The following XPO1 variants were observed in gnomAD, a reference collection of about 807,000 sequenced individuals.
XPO1 encodes exportin-1.
A neutral mutation model predicts 133.3 loss-of-function variants in XPO1; 5 were observed. The observed-to-expected ratio is 0.04, with a 90% CI of 0.02 to 0.08. The LOEUF is 0.08. Ranked by LOEUF, XPO1 falls within the 10% of genes least tolerant of loss-of-function variation. The pLI is 1.00. For synonymous variants in XPO1, 419 were observed against 408.2 expected (o/e 1.03, Z -0.32); for missense variants, 506 against 1,267.5 (o/e 0.40, Z 9.12).
chr2:61,492,280 C>T lies in XPO1; in HGVS notation c.1723+45G>A, dbSNP rs2104429228. 1.3e-6 allele frequency: 2 copies of T among 1,581,120 alleles called. No homozygotes were observed. Among genetic ancestry groups the T allele is most frequent in the South Asian group, 1.2e-5 (1 of 85,132 alleles). ...CAAGACAAAAACATTCATTTATTTT[C>T]TTCAATAAAAATAAAAGCAAAATAT... On this transcript the variant is annotated intron_variant, in intron 15 of 24. Coordinates refer to ENST00000401558, the MANE Select transcript of XPO1 (RefSeq NM_003400.4). This position sits in a 1 kb window ranked among gnomAD's most constrained non-coding sequence, Gnocchi z 5.6.
intron 3 of XPO1, among the ~76,000 whole-genome samples, chr2:61,524,485 T>A (rs1275248040): frequency 6.6e-6 from 1 of 152,130 alleles, no homozygotes; most frequent in African/African-American, 2.4e-5. Flanking sequence ...GCCAAGGGGG[T>A]TGAAGCAGGG....
intron 4 of XPO1, among the ~76,000 whole-genome samples, chr2:61,509,235 C>T (rs560889415): frequency 1.3e-5 from 2 of 151,886 alleles, no homozygotes; most frequent in African/African-American, 4.8e-5. Context: ...CAACTCCTGA[C>T]CTCAGGCAAC....
chr2:61,491,237 C>T (rs548163319), intron 16 of XPO1, among the ~76,000 whole-genome samples: 105 of 151,250 alleles, frequency 6.9e-4, no homozygotes, highest in African/African-American at 2.1e-3. Context: ...CCGAGGCGGG[C>T]GGATCATGAG....
At chr2:61,488,127 C>T (rs751857598) in intron 19 of XPO1, 38 bp downstream of exon 19, 1 of 1,560,990 alleles carries the variant, frequency 6.4e-7, no homozygotes, top group Non-Finnish European at 8.8e-7. Context: ...AACACAGCAT[C>T]AACACTAGAA....
chr2:61,494,266 A>G, intron 11 of XPO1, 175 bp from the exon 12 acceptor site: 1 of 588,652 alleles, frequency 1.7e-6, no homozygotes, highest in South Asian at 2.0e-5. Context: ...TTCTTCTGAC[A>G]TGCCCTAAAG....
chr2:61,502,410 T>C lies in XPO1; in HGVS notation c.302-100A>G, dbSNP rs1009303970. On this transcript the variant is annotated intron_variant, in intron 4 of 24. Transcript: ENST00000401558. ...TTAATGTGGGAATGGAAAGACTAAG[T>C]AAAATCAGTTAATATACTCTAATCC... is the stretch of plus-strand genomic sequence containing the variant. 47 of 1,136,752 alleles carry C rather than the reference T, an allele frequency of 4.1e-5. No homozygotes were observed. The African/African-American group carries it at 6.7e-4, about 16-fold the overall frequency. The allele number at this position is 1,136,752 out of a possible 1,614,324, so 70.4% of individuals were successfully genotyped here. A position where few individuals can be genotyped will look rare whatever the true frequency, so the allele number is the denominator to read the frequency against.
At chr2:61,499,015 C>T (rs1697375294) in intron 7 of XPO1, 102 bp from the exon 8 acceptor site, 2 of 1,313,862 alleles carry the variant, frequency 1.5e-6, no homozygotes, top group South Asian at 1.6e-5. Flanking sequence ...AGTACAGTGG[C>T]TCATGCCTGT....
intron 2 of XPO1, among the ~76,000 whole-genome samples, chr2:61,531,679 C>G (rs1334607104): frequency 1.3e-5 from 2 of 152,200 alleles, no homozygotes; most frequent in East Asian, 1.9e-4. Flanking sequence ...ATATTACATT[C>G]AGAGTTGAAC....
At chr2:61,494,895 G>A (rs1357305235) in intron 11 of XPO1, among the ~76,000 whole-genome samples, 2 of 151,688 alleles carry the variant, frequency 1.3e-5, no homozygotes, top group South Asian at 2.1e-4. Flanking sequence ...AGGCTGGAGT[G>A]CAGTACTGTG....
intron 4 of XPO1, among the ~76,000 whole-genome samples, chr2:61,503,604 T>C (rs1453922303): frequency 6.6e-6 from 1 of 152,026 alleles, no homozygotes; most frequent in East Asian, 1.9e-4. Context: ...TTTTGTATTT[T>C]TAGTAGAGAT....
At chr2:61,503,463 C>T (rs867281998) in intron 4 of XPO1, among the ~76,000 whole-genome samples, 1 of 151,072 alleles carries the variant, frequency 6.6e-6, no homozygotes, top group Non-Finnish European at 1.5e-5. Context: ...CTCGCTCTGT[C>T]GCCCAGGCTG....
intron 4 of XPO1, among the ~76,000 whole-genome samples, chr2:61,516,948 G>A (rs908027614): frequency 4.6e-5 from 7 of 151,898 alleles, no homozygotes; most frequent in African/African-American, 1.7e-4. Context: ...TTGTTGCCCA[G>A]GCTGGAGTGC....
At chr2:61,493,822 A>C in intron 12 of XPO1, 72 bp downstream of exon 12, 6 of 1,474,484 alleles carry the variant, frequency 4.1e-6, no homozygotes, top group Non-Finnish European at 5.6e-6. Flanking sequence ...TACACAGATT[A>C]GAAGTATTTG....
At chr2:61,500,977 T>G (rs897062637) in intron 6 of XPO1, among the ~76,000 whole-genome samples, 1 of 152,148 alleles carries the variant, frequency 6.6e-6, no homozygotes, top group Non-Finnish European at 1.5e-5. Context: ...TGAATAAACT[T>G]TTAACCAAAA....
At chr2:61,496,853 C>T (rs1162353342) in intron 10 of XPO1, 26 bp downstream of exon 10, 1 of 1,495,178 alleles carries the variant, frequency 6.7e-7, no homozygotes, top group Non-Finnish European at 8.9e-7. Context: ...ATTATTCAGC[C>T]AATTTTCAAG....
At chr2:61,528,511 T>C (rs1190782869) in intron 2 of XPO1, among the ~76,000 whole-genome samples, 1 of 151,762 alleles carries the variant, frequency 6.6e-6, no homozygotes. Context: ...CGTGCGCCTA[T>C]AGTCCCAGCT....
intron 19 of XPO1, 145 bp from the exon 20 acceptor site, chr2:61,486,107 G>T: frequency 1.3e-6 from 1 of 755,802 alleles, no homozygotes; most frequent in Non-Finnish European, 2.0e-6. Flanking sequence ...GGTTTCCTAC[G>T]TCAAAACAGT....
intron 2 of XPO1, among the ~76,000 whole-genome samples, chr2:61,528,595 A>T (rs1473844281): frequency 6.6e-6 from 1 of 150,580 alleles, no homozygotes; most frequent in Non-Finnish European, 1.5e-5. Context: ...TTCCCCAAGA[A>T]TCAGGAAGAT....
intron 17 of XPO1, 34 bp from the exon 18 acceptor site, chr2:61,488,805 A>G (rs368350773): frequency 8.1e-6 from 13 of 1,607,458 alleles, no homozygotes; most frequent in East Asian, 2.2e-5. Flanking sequence ...CATTTATCAT[A>G]TAAGAATTAT....
Sources: gnomAD v4.1 joint callset for allele counts (sites outside exome capture counted in the v4.1 genomes callset) on GRCh38, gnomAD v4.1.1 for gene constraint, Gnocchi (gnomAD v3.1) non-coding constraint, MANE v1.5 for transcripts, NCBI Gene and HGNC (gene_info 2026-07-23, HGNC 2026-07-21) for gene names.